Variants in CTNNA2 observed in about 807,000 individuals in gnomAD.
CTNNA2 encodes the protein catenin alpha 2.
A neutral mutation model predicts 101.0 loss-of-function variants in CTNNA2; 42 were observed. The observed-to-expected ratio is 0.42, with a 90% confidence interval of 0.32 to 0.54. The LOEUF (loss-of-function observed/expected upper bound fraction) is 0.54. CTNNA2 is among the 20% of genes least tolerant of loss of function. The pLI is 0.14. For missense variants in CTNNA2, 871 were observed against 1,223.1 expected (o/e 0.71, Z 4.29); for synonymous variants, 450 against 456.4 (o/e 0.99, Z 0.18).
intron 1 of CTNNA2, among the ~76,000 whole-genome samples, chr2:79,549,845 A>G (rs1260219608): frequency 6.6e-6 from 1 of 152,164 alleles, no homozygotes; most frequent in East Asian, 1.9e-4. Context: ...TTTTTGATAT[A>G]CTATTTTGAA....
intron 7 of CTNNA2, among the ~76,000 whole-genome samples, chr2:79,991,903 G>C (rs772036538): frequency 1.3e-5 from 2 of 152,106 alleles, no homozygotes; most frequent in African/African-American, 4.8e-5. Flanking sequence ...TCCAGCCAAG[G>C]CCTCAGGTAT....
chr2:79,522,685 A>T (rs1023625604), intron 1 of CTNNA2, among the ~76,000 whole-genome samples: 2 of 152,202 alleles, frequency 1.3e-5, no homozygotes, highest in African/African-American at 2.4e-5. Context: ...TGAGCACAGC[A>T]GTGGGAGAGG....
At chr2:79,552,491 G>C (rs1353558483) in intron 1 of CTNNA2, among the ~76,000 whole-genome samples, 2 of 152,168 alleles carry the variant, frequency 1.3e-5, no homozygotes, top group Non-Finnish European at 1.5e-5. Flanking sequence ...CCACTAGGCA[G>C]TTCCCCAGTG....
intron 2 of CTNNA2, among the ~76,000 whole-genome samples, chr2:79,248,954 C>A (rs1429613235): frequency 6.6e-6 from 1 of 152,156 alleles, no homozygotes; most frequent in Non-Finnish European, 1.5e-5. Context: ...AGTTACTTAG[C>A]ATGCCTTGGG....
At chr2:79,414,617 G>A (rs1573155170) in intron 4 of CTNNA2, among the ~76,000 whole-genome samples, 1 of 152,026 alleles carries the variant, frequency 6.6e-6, no homozygotes. Context: ...GGCAGGCTTT[G>A]CAACGTTTTT....
intron 7 of CTNNA2, among the ~76,000 whole-genome samples, chr2:80,310,601 C>G (rs1242328121): frequency 6.6e-6 from 1 of 152,284 alleles, no homozygotes; most frequent in East Asian, 1.9e-4. Context: ...TTAGGGTTGT[C>G]TTTCTGGGAA....
intron 3 of CTNNA2, among the ~76,000 whole-genome samples, chr2:79,793,615 C>A (rs933766776): frequency 6.6e-6 from 1 of 151,980 alleles, no homozygotes; most frequent in African/African-American, 2.4e-5. Context: ...AAGAGAGTCT[C>A]GAATAAAGGG....
At chr2:79,673,794 T>G (rs1412925997) in intron 2 of CTNNA2, among the ~76,000 whole-genome samples, 1 of 152,200 alleles carries the variant, frequency 6.6e-6, no homozygotes, top group African/African-American at 2.4e-5. Context: ...TGACTTTCCT[T>G]CTTTAATGTC....
chr2:79,234,249 G>A (rs552375731), intron 2 of CTNNA2, among the ~76,000 whole-genome samples: 28 of 151,890 alleles, frequency 1.8e-4, no homozygotes, highest in African/African-American at 6.3e-4. Context: ...ATATCCCTTA[G>A]TGCTTGCTTC....
intron 7 of CTNNA2, among the ~76,000 whole-genome samples, chr2:79,983,969 G>A (rs948606125): frequency 1.3e-5 from 2 of 151,840 alleles, no homozygotes; most frequent in African/African-American, 4.8e-5. Flanking sequence ...AACCTATACT[G>A]GAGTGATTAA....
chr2:79,671,110 T>C (rs1278387153), intron 2 of CTNNA2, among the ~76,000 whole-genome samples: 2 of 152,214 alleles, frequency 1.3e-5, no homozygotes, highest in African/African-American at 2.4e-5. Context: ...GTGAATGAGA[T>C]TGGCACTTCG....
At chr2:79,210,694 T>C (rs1674160215) in intron 2 of CTNNA2, among the ~76,000 whole-genome samples, 1 of 152,134 alleles carries the variant, frequency 6.6e-6, no homozygotes, top group African/African-American at 2.4e-5. Context: ...TCTAGTTGGT[T>C]GCCAGGAGCC....
chr2:79,917,310 C>T (rs560102014), intron 7 of CTNNA2, among the ~76,000 whole-genome samples: 2 of 152,158 alleles, frequency 1.3e-5, no homozygotes, highest in East Asian at 1.9e-4. Flanking sequence ...TCTCGTGATC[C>T]GCCTGCCTTG....
At chr2:80,305,115 T>A (rs992080297) in intron 7 of CTNNA2, 4 of 985,260 alleles carry the variant, frequency 4.1e-6, no homozygotes, top group Non-Finnish European at 4.8e-6. Flanking sequence ...GGACCTTTGC[T>A]TTAGAAAAGC....
chr2:80,561,753 T>C (rs1693613207), intron 12 of CTNNA2, among the ~76,000 whole-genome samples: 1 of 152,002 alleles, frequency 6.6e-6, no homozygotes, highest in African/African-American at 2.4e-5. Context: ...CTCTGCCTCC[T>C]GGGTTCAAGT....
At chr2:79,464,774 A>G (rs536767369) in intron 4 of CTNNA2, among the ~76,000 whole-genome samples, 223 of 152,134 alleles carry the variant, frequency 1.5e-3, no homozygotes, top group Non-Finnish European at 2.3e-3. Context: ...TGGCTGCATA[A>G]ATGTCTTCCT....
rs149267148 is a variant in CTNNA2, at chr2:80,045,571, G to A, written c.1056+135774G>A. Among the ~76,000 whole-genome samples, 40 of 152,230 alleles carry A rather than the reference G, an allele frequency of 2.6e-4. No homozygotes were observed. In the East Asian group the frequency reaches 7.5e-3, roughly 29 times the overall value. ...GCAAGTTACCATTAAATCATTATCA[G>A]TAATCACTATCTAAATCAAGAGTAC... On this transcript the variant is annotated intron_variant, in intron 7 of 18. Coordinates refer to ENST00000402739, the MANE Select transcript of CTNNA2 (RefSeq NM_001282597.3).
chr2:79,424,126 A>T (rs1678568594), intron 4 of CTNNA2, among the ~76,000 whole-genome samples: 1 of 152,114 alleles, frequency 6.6e-6, no homozygotes. Context: ...ATGGGCGGTG[A>T]GGGACCGGTT....
chr2:80,024,088 GAAAAAAAA>G (rs1158051768), intron 7 of CTNNA2, among the ~76,000 whole-genome samples: 1 of 54,736 alleles, frequency 1.8e-5, no homozygotes, highest in Non-Finnish European at 3.9e-5. Context: ...CTCCGTCTCA[GAAAAAAAA>G]AAAAAAAAAA....
Sources: allele counts gnomAD v4.1 joint callset (sites outside exome capture counted in the v4.1 genomes callset), GRCh38; gene constraint gnomAD v4.1.1; transcripts MANE v1.5; gene names NCBI Gene and HGNC (gene_info 2026-07-23, HGNC 2026-07-21).